DACH2: variants seen among roughly 807,000 people sequenced by gnomAD.
The protein encoded by DACH2 is dachshund family transcription factor 2, also known as dachshund homolog 2.
Under a neutral mutation model 35.8 loss-of-function variants are expected in DACH2, and 17 were observed. The observed-to-expected ratio is 0.48, with a 90% CI of 0.33 to 0.71. DACH2 has a LOEUF of 0.71. Ranked by LOEUF, DACH2 falls within the 30% of genes least tolerant of loss-of-function variation. The pLI, the probability that DACH2 is intolerant of heterozygous loss-of-function variation, is 0.02. For missense variants in DACH2, 469 were observed against 472.7 expected (o/e 0.99, Z 0.07); for synonymous variants, 195 against 177.3 (o/e 1.10, Z -0.79).
chrX:86,637,067 G>T (rs1312142529), intron 3 of DACH2, among the ~76,000 whole-genome samples: 1 of 98,048 alleles, frequency 1.0e-5, no homozygotes, highest in Non-Finnish European at 2.1e-5. Flanking sequence ...GACATGAACA[G>T]ACACTTTTCA....
chrX:86,292,323 T>C (rs2034319985), intron 1 of DACH2, among the ~76,000 whole-genome samples: 1 of 98,716 alleles, frequency 1.0e-5, no homozygotes, highest in Non-Finnish European at 2.0e-5. Flanking sequence ...TCTCTTTTTC[T>C]TTATTAGTCT....
intron 4 of DACH2, 120 bp downstream of exon 4, chrX:86,651,287 A>G: frequency 1.4e-6 from 1 of 714,854 alleles, no homozygotes; most frequent in Non-Finnish European, 2.0e-6. Context: ...AAGATACTCA[A>G]GAGGGATGAT....
At chrX:86,294,474 C>A (rs1438431990) in intron 1 of DACH2, among the ~76,000 whole-genome samples, 3 of 111,208 alleles carry the variant, frequency 2.7e-5, no homozygotes, top group Non-Finnish European at 5.7e-5. Context: ...TGAGGAACTG[C>A]ATTCCTTTGG....
chrX:86,224,956 G>A (rs5968836), intron 1 of DACH2, among the ~76,000 whole-genome samples: 5 of 111,080 alleles, frequency 4.5e-5, no homozygotes, highest in Admixed American at 3.8e-4. Context: ...CTAAATGATT[G>A]GTTAGAGCTG....
At chrX:86,191,517 C>G (rs1242109208) in intron 1 of DACH2, among the ~76,000 whole-genome samples, 1 of 111,321 alleles carries the variant, frequency 9.0e-6, no homozygotes, top group Non-Finnish European at 1.9e-5. Context: ...GAAAAACTGC[C>G]TATAAGGTAC....
intron 1 of DACH2, among the ~76,000 whole-genome samples, chrX:86,207,360 G>C (rs2032338374): frequency 1.8e-5 from 2 of 111,080 alleles, no homozygotes; most frequent in South Asian, 3.8e-4. Flanking sequence ...GCATCATATT[G>C]CTTTGGCACT....
chrX:86,696,701 T>C (rs1482406584), intron 5 of DACH2, among the ~76,000 whole-genome samples: 1 of 111,672 alleles, frequency 9.0e-6, no homozygotes, highest in East Asian at 2.8e-4. Context: ...ATTTAAAAGA[T>C]AATTGAGTAA....
chrX:86,566,500 T>C (rs1440801812), intron 3 of DACH2, among the ~76,000 whole-genome samples: 4 of 111,583 alleles, frequency 3.6e-5, no homozygotes, highest in Non-Finnish European at 5.7e-5. Context: ...CTAGAAAATG[T>C]ATATGATTTT....
At chrX:86,786,138 G>A (rs144997536) in intron 7 of DACH2, among the ~76,000 whole-genome samples, 1 of 111,517 alleles carries the variant, frequency 9.0e-6, no homozygotes, top group African/African-American at 3.3e-5. Context: ...TCTGAAGAAA[G>A]GTTGGAGACA....
At chrX:86,333,568 A>G (rs1330498286) in intron 1 of DACH2, among the ~76,000 whole-genome samples, 5 of 111,589 alleles carry the variant, frequency 4.5e-5, no homozygotes, top group Non-Finnish European at 7.5e-5. Context: ...CATAGGCAAA[A>G]AGTGCCCTTG....
At chrX:86,725,051 G>C (rs2041450546) in intron 6 of DACH2, among the ~76,000 whole-genome samples, 1 of 105,250 alleles carries the variant, frequency 9.5e-6, no homozygotes, top group Admixed American at 1.1e-4. Flanking sequence ...AACAATATCT[G>C]TCTTCTTGGT....
rs371019386 is a variant in DACH2, at chrX:86,365,336, T to TAA, written c.489-11478_489-11477dup. On this transcript the variant is annotated intron_variant, in intron 1 of 11. Transcript: ENST00000373125. ...GAGATAAAGGCGAAAAACTTGCATG[T>TAA]AAAAAAAAAAACAGATAGTGTGGTA... Among the ~76,000 whole-genome samples the TAA allele has an allele frequency of 5.8e-3, 585 of 101,223 alleles. 4 individuals are homozygous for TAA. The highest frequency in any genetic ancestry group is 9.0e-3 in the Non-Finnish European group (446 of 49,768). The allele number at this position is 101,223 out of a possible 115,157, so 87.9% of individuals were successfully genotyped here.
At chrX:86,498,903 G>T (rs930530001) in intron 2 of DACH2, among the ~76,000 whole-genome samples, 2 of 111,503 alleles carry the variant, frequency 1.8e-5, no homozygotes, top group African/African-American at 6.5e-5. Context: ...TCTTAATCTA[G>T]AATGTTTTGA....
intron 3 of DACH2, among the ~76,000 whole-genome samples, chrX:86,590,326 G>T (rs1027538229): frequency 8.9e-6 from 1 of 112,020 alleles, no homozygotes; most frequent in African/African-American, 3.2e-5. Flanking sequence ...TACCTTTATG[G>T]AGGAAGAACT....
intron 3 of DACH2, among the ~76,000 whole-genome samples, chrX:86,634,299 A>G (rs909525912): frequency 9.0e-5 from 10 of 111,144 alleles, no homozygotes; most frequent in African/African-American, 3.3e-4. Context: ...TAGAACATAC[A>G]TCAAAATAAT....
chrX:86,248,185 C>A (rs973967059), intron 1 of DACH2, among the ~76,000 whole-genome samples: 4 of 110,924 alleles, frequency 3.6e-5, no homozygotes, highest in African/African-American at 1.3e-4. Context: ...GAATTCCTAG[C>A]CAGAGCAATC....
At chrX:86,313,225 A>G (rs886074350) in intron 1 of DACH2, among the ~76,000 whole-genome samples, 29 of 111,758 alleles carry the variant, frequency 2.6e-4, no homozygotes, top group Admixed American at 9.6e-5. Context: ...CTAGTTCTAA[A>G]AAAGCTGAAA....
intron 1 of DACH2, among the ~76,000 whole-genome samples, chrX:86,324,593 T>TTTTG (rs1313066510): frequency 1.1e-5 from 1 of 93,165 alleles, no homozygotes; most frequent in Non-Finnish European, 2.1e-5. Flanking sequence ...TTTTTTTTTT[T>TTTTG]TTTGAGATGG....
intron 3 of DACH2, among the ~76,000 whole-genome samples, chrX:86,636,116 C>G (rs909534856): frequency 3.0e-4 from 33 of 110,981 alleles, no homozygotes; most frequent in African/African-American, 1.1e-3. Flanking sequence ...ATCATGCTAC[C>G]TGAGTTTAAA....
Sources: gnomAD v4.1 joint callset for allele counts (sites outside exome capture counted in the v4.1 genomes callset) on GRCh38, gnomAD v4.1.1 for gene constraint, MANE v1.5 for transcripts, NCBI Gene and HGNC (gene_info 2026-07-23, HGNC 2026-07-21) for gene names.